The following WWOX variants were observed in gnomAD, a reference collection of about 807,000 sequenced individuals.
The protein encoded by WWOX is WW domain-containing oxidoreductase.
A neutral mutation model predicts 46.2 loss-of-function variants in WWOX; 69 were observed. The ratio of observed to expected loss-of-function variants is 1.49; its 90% confidence interval spans 1.23 to 1.82. The LOEUF is 1.82. Ranked by LOEUF, WWOX falls within the 40% of genes most tolerant of loss-of-function variation. The pLI, the probability that WWOX is intolerant of heterozygous loss-of-function variation, is 0.00. For missense variants in WWOX, 919 were observed against 542.6 expected (o/e 1.69, Z -6.89); for synonymous variants, 359 against 202.6 (o/e 1.77, Z -6.56).
At chr16:78,740,549 G>C (rs756587189) in intron 8 of WWOX, among the ~76,000 whole-genome samples, 1 of 152,170 alleles carries the variant, frequency 6.6e-6, no homozygotes, top group Non-Finnish European at 1.5e-5. Flanking sequence ...CACGTGTAGA[G>C]GGGGATTCCA....
intron 8 of WWOX, among the ~76,000 whole-genome samples, chr16:78,807,350 A>T (rs1039426111): frequency 1.3e-5 from 2 of 152,242 alleles, no homozygotes; most frequent in Non-Finnish European, 2.9e-5. Flanking sequence ...TGAATCTAAA[A>T]CAAGAGGACC....
At chr16:78,242,484 G>C (rs1037681064) in intron 5 of WWOX, among the ~76,000 whole-genome samples, 2 of 152,180 alleles carry the variant, frequency 1.3e-5, no homozygotes, top group African/African-American at 4.8e-5. Context: ...ACATTTCCTA[G>C]TTTATAATGA....
intron 8 of WWOX, among the ~76,000 whole-genome samples, chr16:78,534,074 AAAAT>A (rs1380571807): frequency 6.6e-6 from 1 of 152,226 alleles, no homozygotes; most frequent in Non-Finnish European, 1.5e-5. Flanking sequence ...TCATATTTGG[AAAAT>A]AAATATTAGA....
At chr16:78,641,634 C>G (rs2550621) in intron 8 of WWOX, among the ~76,000 whole-genome samples, 1 of 151,906 alleles carries the variant, frequency 6.6e-6, no homozygotes, top group South Asian at 2.1e-4. Context: ...ATGCCCGGCT[C>G]GTGGTTAACC....
intron 8 of WWOX, among the ~76,000 whole-genome samples, chr16:78,764,445 T>G (rs1166787722): frequency 6.6e-6 from 1 of 150,754 alleles, no homozygotes; most frequent in East Asian, 2.0e-4. Flanking sequence ...GGGAGGTGCT[T>G]CTTCTGGGAG....
At chr16:78,780,035 A>G (rs770266038) in intron 8 of WWOX, among the ~76,000 whole-genome samples, 1 of 152,180 alleles carries the variant, frequency 6.6e-6, no homozygotes, top group Admixed American at 6.6e-5. Flanking sequence ...TACCCAGTAG[A>G]AGCCATATGG....
chr16:78,408,776 G>C (rs1271878605), intron 6 of WWOX, among the ~76,000 whole-genome samples: 1 of 152,198 alleles, frequency 6.6e-6, no homozygotes, highest in African/African-American at 2.4e-5. Flanking sequence ...AGAGTTTCCT[G>C]AGTCACCTTT....
At chr16:78,662,939 G>A (rs985365651) in intron 8 of WWOX, among the ~76,000 whole-genome samples, 9 of 152,280 alleles carry the variant, frequency 5.9e-5, no homozygotes, top group African/African-American at 1.4e-4. Context: ...GAGAGAGACC[G>A]CAGCCAGGGT....
At chr16:78,761,940 C>T (rs76292186) in intron 8 of WWOX, among the ~76,000 whole-genome samples, 2,025 of 152,236 alleles carry the variant, frequency 0.013, 43 homozygotes, top group African/African-American at 0.046. Flanking sequence ...CAATTATATA[C>T]ATAAGACAAA....
At chr16:78,430,104 A>T (rs1477307387) in intron 7 of WWOX, among the ~76,000 whole-genome samples, 1 of 152,208 alleles carries the variant, frequency 6.6e-6, no homozygotes, top group Non-Finnish European at 1.5e-5. Flanking sequence ...AGGCCTCACA[A>T]TCATGGCGGA....
At chr16:78,617,341 G>A (rs1391973212) in intron 8 of WWOX, among the ~76,000 whole-genome samples, 1 of 151,122 alleles carries the variant, frequency 6.6e-6, no homozygotes, top group African/African-American at 2.4e-5. Context: ...GGCAGAGGTT[G>A]CAGTGAGCCG....
intron 8 of WWOX, among the ~76,000 whole-genome samples, chr16:79,037,063 G>C (rs1342081214): frequency 6.6e-6 from 1 of 152,150 alleles, no homozygotes; most frequent in Admixed American, 6.6e-5. Context: ...AGAATGCAGG[G>C]CTCTTCCTCA....
chr16:78,298,574 C>T (rs1389951093), intron 5 of WWOX, among the ~76,000 whole-genome samples: 2 of 152,124 alleles, frequency 1.3e-5, no homozygotes, highest in Non-Finnish European at 2.9e-5. Context: ...GGCAGATCAC[C>T]TGAGGTCAGG....
At chr16:78,932,270 G>A (rs2045639952) in intron 8 of WWOX, among the ~76,000 whole-genome samples, 1 of 152,114 alleles carries the variant, frequency 6.6e-6, no homozygotes, top group African/African-American at 2.4e-5. Flanking sequence ...AAGGTATCTG[G>A]TCCTGTCCGC....
intron 8 of WWOX, among the ~76,000 whole-genome samples, chr16:79,175,117 C>T (rs191766358): frequency 1.1e-4 from 17 of 152,302 alleles, no homozygotes; most frequent in African/African-American, 3.8e-4. Context: ...TTTGGGGCAA[C>T]CTACTGGGTC....
At chr16:78,852,024 C>T (rs1382620809) in intron 8 of WWOX, among the ~76,000 whole-genome samples, 1 of 152,082 alleles carries the variant, frequency 6.6e-6, no homozygotes, top group Non-Finnish European at 1.5e-5. Context: ...AATACTGGCC[C>T]CACAATCAAG....
chr16:79,115,033 G>C (rs892584480), intron 8 of WWOX, among the ~76,000 whole-genome samples: 1 of 152,230 alleles, frequency 6.6e-6, no homozygotes, highest in African/African-American at 2.4e-5. Flanking sequence ...CCAAGTGCAA[G>C]TTCCTGCCTG....
intron 8 of WWOX, among the ~76,000 whole-genome samples, chr16:79,029,201 C>T (rs977354682): frequency 1.3e-5 from 2 of 152,162 alleles, no homozygotes; most frequent in Non-Finnish European, 2.9e-5. Context: ...TACAGATGCA[C>T]AGGAGACCTT....
chr16:78,634,427 G>C (rs946768108), intron 8 of WWOX, among the ~76,000 whole-genome samples: 2 of 152,286 alleles, frequency 1.3e-5, no homozygotes, highest in Admixed American at 1.3e-4. Flanking sequence ...TGTAGGGACA[G>C]CCGGGCGCAG....
Sources: allele counts gnomAD v4.1 joint callset (sites outside exome capture counted in the v4.1 genomes callset), GRCh38; gene constraint gnomAD v4.1.1; transcripts MANE v1.5; gene names NCBI Gene and HGNC (gene_info 2026-07-23, HGNC 2026-07-21).